PDS5A: variants seen among roughly 807,000 people sequenced by gnomAD.
PDS5A encodes PDS5 cohesin associated factor A, also known as sister chromatid cohesion protein PDS5 homolog A.
Under a neutral mutation model 167.1 loss-of-function variants are expected in PDS5A, and 42 were observed. That is an observed-to-expected ratio of 0.25 (90% CI 0.20 to 0.33). The LOEUF (loss-of-function observed/expected upper bound fraction) is 0.33, where lower values mean the gene tolerates loss of function less well. Ranked by LOEUF, PDS5A falls within the 10% of genes least tolerant of loss-of-function variation. The probability of loss-of-function intolerance (pLI) is 1.00; values close to 1 mark genes in which losing one functional copy is unlikely to be tolerated. For synonymous variants in PDS5A, 553 were observed against 554.6 expected (o/e 1.00, Z 0.04); for missense variants, 1,033 against 1,605.9 (o/e 0.64, Z 6.10).
At chr4:39,866,664 A>G (rs58151032) in intron 23 of PDS5A, among the ~76,000 whole-genome samples, 197 bp downstream of exon 23, 5,053 of 152,336 alleles carry the variant, frequency 0.033, 203 homozygotes, top group East Asian at 0.22. Context: ...CCTCTTCTTT[A>G]GGAATGAAGA....
intron 2 of PDS5A, among the ~76,000 whole-genome samples, chr4:39,939,807 AAAACAAAC>A (rs886457714): frequency 1.3e-5 from 2 of 151,966 alleles, no homozygotes; most frequent in African/African-American, 4.8e-5. Flanking sequence ...CAAAAAAACA[AAAACAAAC>A]AAACAAAAAA....
In PDS5A at chr4:39,867,733, AACACACACACACACAC is replaced by A. The variant is rs142147688; in HGVS notation, c.2506-752_2506-737del. The stretch of plus-strand genomic sequence containing the variant: ...AAACTCTGTTTCATAAAAAAACCAA[AACACACACACACACAC>A]ACACACACACACACACACACACACA... On this transcript the variant is annotated intron_variant, in intron 22 of 32. Coordinates refer to ENST00000303538, the MANE Select transcript of PDS5A (RefSeq NM_001100399.2). 1.5e-4 allele frequency among the ~76,000 whole-genome samples: 20 copies of A among 130,696 alleles called. 1 individual carries two copies. The highest frequency in any genetic ancestry group is 4.8e-4 in the South Asian group (2 of 4,148). The allele number at this position is 130,696 out of a possible 152,430, so 85.7% of individuals were successfully genotyped here.
chr4:39,852,215 A>G (rs889381225), intron 26 of PDS5A, among the ~76,000 whole-genome samples: 2 of 152,232 alleles, frequency 1.3e-5, no homozygotes, highest in Non-Finnish European at 2.9e-5. Context: ...TGTTACATTT[A>G]AAACAGGATA....
intron 6 of PDS5A, 65 bp downstream of exon 6, chr4:39,922,557 T>G: frequency 5.9e-6 from 8 of 1,351,180 alleles, no homozygotes; most frequent in Non-Finnish European, 7.8e-6. Flanking sequence ...ATAAAACAAC[T>G]GTTCATTCTT....
At chr4:39,932,723 C>G (rs1266689872) in intron 2 of PDS5A, 1 of 152,450 alleles carries the variant, frequency 6.6e-6, no homozygotes, top group East Asian at 1.9e-4. Context: ...CCCAGCTACT[C>G]AGGAGGCGGG....
At chr4:39,911,197 T>C (rs920763727) in intron 9 of PDS5A, among the ~76,000 whole-genome samples, 5 of 152,004 alleles carry the variant, frequency 3.3e-5, no homozygotes, top group African/African-American at 4.8e-5. Flanking sequence ...GCAAACCATA[T>C]ATAAGGGGCA....
chr4:39,828,022 G>A (rs1715475185), intron 32 of PDS5A, among the ~76,000 whole-genome samples: 1 of 152,166 alleles, frequency 6.6e-6, no homozygotes, highest in South Asian at 2.1e-4. Flanking sequence ...CTACTGAAAT[G>A]ATCATTCCTT....
intron 2 of PDS5A, among the ~76,000 whole-genome samples, chr4:39,971,188 G>A (rs1187666959): frequency 2.1e-5 from 3 of 143,668 alleles, no homozygotes; most frequent in Non-Finnish European, 3.0e-5. Flanking sequence ...AGACAGAGTC[G>A]CGCTTTGTCA....
At chr4:39,845,548 GT>G (rs1717519791) in intron 29 of PDS5A, among the ~76,000 whole-genome samples, 1 of 152,050 alleles carries the variant, frequency 6.6e-6, no homozygotes, top group South Asian at 2.1e-4. Context: ...ACCTAAGTTG[GT>G]TATACCATTT....
At chr4:39,845,789 A>G in intron 29 of PDS5A, 29 bp downstream of exon 29, 1 of 1,382,872 alleles carries the variant, frequency 7.2e-7, no homozygotes, top group Non-Finnish European at 9.4e-7. Context: ...CATGAAACAA[A>G]GATCTCAAAA....
intron 5 of PDS5A, among the ~76,000 whole-genome samples, chr4:39,923,638 A>AACACACACACACACACACACACAC (rs10664167): frequency 0.012 from 1,499 of 125,182 alleles, 15 homozygotes; most frequent in Non-Finnish European, 0.019. Context: ...CCTGTCTCAA[A>AACACACACACACACACACACACAC]ACACACACAC....
chr4:39,912,027 G>T (rs1054779755), intron 9 of PDS5A, among the ~76,000 whole-genome samples: 1 of 152,072 alleles, frequency 6.6e-6, no homozygotes, highest in Non-Finnish European at 1.5e-5. Context: ...TTTAATAAAC[G>T]TCTTAATGTC....
At chr4:39,935,706 G>A (rs1726530812) in intron 2 of PDS5A, among the ~76,000 whole-genome samples, 2 of 152,058 alleles carry the variant, frequency 1.3e-5, no homozygotes. Context: ...GGTAGTATGT[G>A]AATCATCCAA....
At chr4:39,924,365 A>G (rs1725272037) in intron 5 of PDS5A, among the ~76,000 whole-genome samples, 2 of 152,242 alleles carry the variant, frequency 1.3e-5, no homozygotes, top group Admixed American at 6.5e-5. Context: ...ACAAACACAA[A>G]GGTTTATATG....
chr4:39,882,593 C>T (rs1432722849), intron 17 of PDS5A, among the ~76,000 whole-genome samples: 3 of 152,150 alleles, frequency 2.0e-5, no homozygotes, highest in East Asian at 3.8e-4. Flanking sequence ...TCCATGCACA[C>T]GATTATTTCA....
chr4:39,972,898 AT>A (rs1178984540), intron 2 of PDS5A, among the ~76,000 whole-genome samples: 4 of 145,454 alleles, frequency 2.8e-5, no homozygotes, highest in Admixed American at 6.9e-5. Flanking sequence ...ATATTTTATT[AT>A]TTTTTGTGGG....
intron 2 of PDS5A, chr4:39,974,229 A>G (rs1444825960): frequency 3.5e-6 from 2 of 563,714 alleles, no homozygotes; most frequent in Non-Finnish European, 7.2e-6. Context: ...CCATTCCAAT[A>G]TGCCAGGTGC....
intron 2 of PDS5A, among the ~76,000 whole-genome samples, chr4:39,968,262 T>A (rs1030844598): frequency 6.6e-5 from 10 of 151,682 alleles, no homozygotes; most frequent in African/African-American, 2.2e-4. Context: ...GACCTATAAG[T>A]GTATTTTAAA....
chr4:39,904,421 C>A (rs2109662299), intron 11 of PDS5A, among the ~76,000 whole-genome samples: 1 of 152,282 alleles, frequency 6.6e-6, no homozygotes, highest in African/African-American at 2.4e-5. Context: ...TCACTGCAAG[C>A]TCCGCCTCCC....
Sources: allele counts gnomAD v4.1 joint callset (sites outside exome capture counted in the v4.1 genomes callset), GRCh38; gene constraint gnomAD v4.1.1; transcripts MANE v1.5; gene names NCBI Gene and HGNC (gene_info 2026-07-23, HGNC 2026-07-21).